The following PPFIA2 variants were observed in gnomAD, a reference collection of about 807,000 sequenced individuals.
PPFIA2 encodes the protein liprin-alpha-2.
A neutral mutation model predicts 175.5 loss-of-function variants in PPFIA2; 46 were observed. The observed-to-expected ratio is 0.26, with a 90% confidence interval of 0.21 to 0.34. The LOEUF (loss-of-function observed/expected upper bound fraction) is 0.34, where lower values mean the gene tolerates loss of function less well. PPFIA2 is among the 10% of genes least tolerant of loss of function. The pLI, the probability that PPFIA2 is intolerant of heterozygous loss-of-function variation, is 1.00. For synonymous variants in PPFIA2, 568 were observed against 511.4 expected (o/e 1.11, Z -1.49); for missense variants, 1,179 against 1,506.1 (o/e 0.78, Z 3.60).
At chr12:81,384,571 T>A (rs1320617510) in intron 8 of PPFIA2, among the ~76,000 whole-genome samples, 1 of 152,034 alleles carries the variant, frequency 6.6e-6, no homozygotes, top group African/African-American at 2.4e-5. Flanking sequence ...ATTAGATATA[T>A]AATTTATTAT....
At chr12:81,354,316 C>A (rs1048001655) in intron 16 of PPFIA2, among the ~76,000 whole-genome samples, 4 of 152,246 alleles carry the variant, frequency 2.6e-5, no homozygotes, top group African/African-American at 7.2e-5. Flanking sequence ...CCTCTCACAC[C>A]CTGAAACTGT....
At chr12:81,665,473 T>C (rs1442948910) in intron 4 of PPFIA2, among the ~76,000 whole-genome samples, 1 of 152,076 alleles carries the variant, frequency 6.6e-6, no homozygotes, top group Non-Finnish European at 1.5e-5. Flanking sequence ...TGCTCACTTC[T>C]ATATTTAACA....
intron 11 of PPFIA2, among the ~76,000 whole-genome samples, chr12:81,373,247 TTCAGTAAC>T (rs903113849): frequency 1.3e-5 from 2 of 151,806 alleles, no homozygotes; most frequent in African/African-American, 4.8e-5. Flanking sequence ...ATTTTTCTTA[TTCAGTAAC>T]TCATCTAACC....
intron 4 of PPFIA2, among the ~76,000 whole-genome samples, chr12:81,660,716 G>C (rs571443218): frequency 2.0e-5 from 3 of 152,076 alleles, no homozygotes; most frequent in Non-Finnish European, 4.4e-5. Flanking sequence ...GATACTCCTC[G>C]AGAAGAGCAA....
chr12:81,273,456 C>A (rs2039684246), intron 28 of PPFIA2, among the ~76,000 whole-genome samples: 1 of 152,122 alleles, frequency 6.6e-6, no homozygotes, highest in Non-Finnish European at 1.5e-5. Context: ...TAATTGGTTT[C>A]TACTGTTTTC....
At chr12:81,464,422 T>C (rs1359313311) in intron 4 of PPFIA2, among the ~76,000 whole-genome samples, 3 of 152,118 alleles carry the variant, frequency 2.0e-5, no homozygotes, top group Admixed American at 1.3e-4. Flanking sequence ...AAACCTGTCA[T>C]ATCCCAGAGC....
intron 17 of PPFIA2, among the ~76,000 whole-genome samples, chr12:81,351,422 A>T (rs1285436488): frequency 6.6e-6 from 1 of 152,156 alleles, no homozygotes; most frequent in Non-Finnish European, 1.5e-5. Context: ...TTTAATGATC[A>T]GCCTGATTTG....
intron 3 of PPFIA2, among the ~76,000 whole-genome samples, chr12:81,713,699 T>C (rs953454355): frequency 1.3e-5 from 2 of 151,204 alleles, no homozygotes; most frequent in South Asian, 2.1e-4. Context: ...AGGTATCCTA[T>C]AGCATATTGT....
intron 17 of PPFIA2, among the ~76,000 whole-genome samples, chr12:81,348,123 C>G (rs998843567): frequency 6.6e-6 from 1 of 152,060 alleles, no homozygotes; most frequent in Admixed American, 6.5e-5. Flanking sequence ...TCAGGAACCA[C>G]TAAAAGAGAC....
intron 4 of PPFIA2, among the ~76,000 whole-genome samples, chr12:81,667,020 G>A (rs1249192817): frequency 6.6e-6 from 1 of 152,010 alleles, no homozygotes; most frequent in Non-Finnish European, 1.5e-5. Flanking sequence ...ATTGTAGTCT[G>A]AACTGACTCT....
chr12:81,430,332 A>G (rs559960019), intron 7 of PPFIA2: 1 of 152,118 alleles, frequency 6.6e-6, no homozygotes, highest in Non-Finnish European at 1.5e-5. Context: ...TCAAAAGAGT[A>G]TTACCTTCTT....
intron 30 of PPFIA2, among the ~76,000 whole-genome samples, chr12:81,263,769 A>G (rs2036380295): frequency 6.6e-6 from 1 of 152,236 alleles, no homozygotes; most frequent in South Asian, 2.1e-4. Flanking sequence ...GTTGTTGAGT[A>G]GACTACATTT....
intron 3 of PPFIA2, among the ~76,000 whole-genome samples, chr12:81,736,252 C>T (rs1187424810): frequency 1.3e-5 from 2 of 151,968 alleles, no homozygotes; most frequent in African/African-American, 4.8e-5. Flanking sequence ...CTTCACTATA[C>T]AAGCCTTGCA....
chr12:81,507,713 T>A (rs1217687087), intron 4 of PPFIA2, among the ~76,000 whole-genome samples: 1 of 152,212 alleles, frequency 6.6e-6, no homozygotes, highest in Admixed American at 6.5e-5. Context: ...TCTGTCCCTG[T>A]CTCCTTTAGT....
At chr12:81,568,489 C>T (rs1383870371) in intron 4 of PPFIA2, among the ~76,000 whole-genome samples, 3 of 152,170 alleles carry the variant, frequency 2.0e-5, no homozygotes, top group African/African-American at 7.2e-5. Flanking sequence ...GAATGGGTGG[C>T]CGGCCCTCCA....
intron 8 of PPFIA2, among the ~76,000 whole-genome samples, chr12:81,390,477 G>A (rs1352238322): frequency 2.0e-5 from 3 of 151,982 alleles, no homozygotes; most frequent in Non-Finnish European, 4.4e-5. Context: ...TCTAGTGGGT[G>A]CAAAGTGATA....
At chr12:81,588,031 AG>A (rs1263350748) in intron 4 of PPFIA2, among the ~76,000 whole-genome samples, 12 of 152,018 alleles carry the variant, frequency 7.9e-5, no homozygotes, top group Non-Finnish European at 8.8e-5. Context: ...TATGCTCTCT[AG>A]GAATTCCCAA....
chr12:81,435,401 T>C lies in PPFIA2; in HGVS notation c.645+4571A>G, dbSNP rs182049542. On this transcript the variant is annotated intron_variant, in intron 7 of 32. Transcript: ENST00000549396. ...TAGAGCTCAGAAGAGTATATAAACT[T>C]TGAGCTATAGATTTTAGTTTCTTTT... 1.3e-3 allele frequency among the ~76,000 whole-genome samples: 196 copies of C among 152,260 alleles called. 1 individual carries two copies. The highest frequency in any genetic ancestry group is 2.3e-3 in the Non-Finnish European group (154 of 68,012).
chr12:81,753,526 TAA>T (rs796161671), intron 3 of PPFIA2, among the ~76,000 whole-genome samples: 3 of 139,498 alleles, frequency 2.2e-5, no homozygotes, highest in African/African-American at 5.3e-5. Context: ...ATTAGGCATT[TAA>T]AAAAAAAAAA....
Sources: gnomAD v4.1 joint callset for allele counts (sites outside exome capture counted in the v4.1 genomes callset) on GRCh38, gnomAD v4.1.1 for gene constraint, MANE v1.5 for transcripts, NCBI Gene and HGNC (gene_info 2026-07-23, HGNC 2026-07-21) for gene names.